The following PLD5 variants were observed in gnomAD, a reference collection of about 807,000 sequenced individuals.
The protein encoded by PLD5 is phospholipase D family member 5.
Under a neutral mutation model 61.1 loss-of-function variants are expected in PLD5, and 36 were observed. The ratio of observed to expected loss-of-function variants is 0.59; its 90% CI spans 0.45 to 0.78. PLD5 has a LOEUF of 0.78. Among genes scored for constraint, PLD5 ranks in the 30% least tolerant of loss-of-function variants. The pLI is 0.00. For synonymous variants in PLD5, 243 were observed against 242.8 expected (o/e 1.00, Z -0.01); for missense variants, 515 against 644.4 (o/e 0.80, Z 2.17).
At chr1:242,306,352 G>A (rs1247058961) in intron 2 of PLD5, among the ~76,000 whole-genome samples, 3 of 151,294 alleles carry the variant, frequency 2.0e-5, no homozygotes, top group African/African-American at 7.3e-5. Flanking sequence ...ATCTTCTTAG[G>A]ATGGGTCATA....
intron 5 of PLD5, chr1:242,177,628 G>T (rs928707095): frequency 2.0e-5 from 3 of 152,194 alleles, no homozygotes; most frequent in Non-Finnish European, 4.4e-5. Flanking sequence ...TTTTAAATTA[G>T]AGCAGGTCAA....
intron 5 of PLD5, among the ~76,000 whole-genome samples, chr1:242,148,938 A>G (rs1574396111): frequency 6.7e-6 from 1 of 148,788 alleles, no homozygotes; most frequent in Non-Finnish European, 1.5e-5. Context: ...GGGAATTTTT[A>G]CATAATCATG....
intron 1 of PLD5, among the ~76,000 whole-genome samples, chr1:242,389,214 T>C (rs1359101244): frequency 6.6e-6 from 1 of 152,206 alleles, no homozygotes; most frequent in Admixed American, 6.5e-5. Flanking sequence ...CCTAACTTTG[T>C]AAGTAAATAC....
intron 2 of PLD5, among the ~76,000 whole-genome samples, chr1:242,338,816 C>T (rs1290852293): frequency 1.3e-5 from 2 of 152,054 alleles, no homozygotes; most frequent in African/African-American, 4.8e-5. Flanking sequence ...CTAATACATG[C>T]CATCTTATAG....
chr1:242,162,826 T>C (rs316845), intron 5 of PLD5, among the ~76,000 whole-genome samples: 7,272 of 152,276 alleles, frequency 0.048, 438 homozygotes, highest in African/African-American at 0.13. Context: ...TCACAAAGCA[T>C]GTGCATTATT....
chr1:242,520,002 C>T (rs1332709879), intron 1 of PLD5, among the ~76,000 whole-genome samples: 1 of 152,162 alleles, frequency 6.6e-6, no homozygotes, highest in Non-Finnish European at 1.5e-5. Context: ...GCACTAAGTG[C>T]TTTGTATGCT....
Position 242,256,742 on chromosome 1 carries a change from ACTATCATCTAT to A in PLD5, c.607+8584_607+8594del, listed in dbSNP as rs1252402129. Reference sequence around the variant, plus strand: ...ATTACAGCAGCACAAATGAACTAAGACTATCATCTATCTATCTATCTATCTATCTATCTATC... The same window carrying A: ...ATTACAGCAGCACAAATGAACTAAGACTATCTATCTATCTATCTATCTATC... On this transcript the variant is annotated intron_variant, in intron 4 of 9. Coordinates refer to ENST00000536534, the MANE Select transcript of PLD5 (RefSeq NM_001372062.1). The surrounding 1 kb of genome is among the most constrained non-coding windows in gnomAD (Gnocchi z 5.7). 2.1e-5 allele frequency among the ~76,000 whole-genome samples: 3 copies of A among 144,274 alleles called. No individual in the cohort carries two copies. Among genetic ancestry groups the A allele is most frequent in the African/African-American group, 5.2e-5 (2 of 38,326 alleles). 94.6% of individuals were successfully genotyped at this position (144,274 alleles called of 152,430 possible).
intron 1 of PLD5, among the ~76,000 whole-genome samples, chr1:242,393,191 G>T (rs1032560468): frequency 7.4e-6 from 1 of 136,038 alleles, no homozygotes; most frequent in Non-Finnish European, 1.5e-5. Flanking sequence ...ATAAGACGAC[G>T]ACTCCGTCTC....
At chr1:242,378,691 A>G (rs1662108670) in intron 1 of PLD5, among the ~76,000 whole-genome samples, 1 of 151,976 alleles carries the variant, frequency 6.6e-6, no homozygotes, top group Non-Finnish European at 1.5e-5. Context: ...AAATACAAAA[A>G]TTAGCTGGGT....
chr1:242,477,266 A>T (rs984316798), intron 1 of PLD5, among the ~76,000 whole-genome samples: 1 of 152,106 alleles, frequency 6.6e-6, no homozygotes, highest in Admixed American at 6.5e-5. Flanking sequence ...AGAAAAAAAA[A>T]ATAGTAAGGG....
Position 242,107,746 on chromosome 1 carries a change from A to G in PLD5, c.1164T>C (p.Thr388=), listed in dbSNP as rs750097301. ...AAATAAAGTTAAACGTAAGGGGATC[A>G]GTTTCCTTCCAGAAGCTTAAAAGGA... ...VRLLLSFWKE[T]DPLTFNFISS... The change falls in exon 8 of 10, where the codon ACT becomes ACC. Residue 388 remains threonine (T), a synonymous_variant. Transcript: ENST00000536534. 3 of 1,612,048 alleles carry G rather than the reference A, an allele frequency of 1.9e-6. No homozygotes were observed. The South Asian group carries it at 3.3e-5, about 18-fold the overall frequency.
At chr1:242,321,214 C>T (rs1658378771) in intron 2 of PLD5, among the ~76,000 whole-genome samples, 1 of 150,234 alleles carries the variant, frequency 6.7e-6, no homozygotes, top group African/African-American at 2.5e-5. Flanking sequence ...TTGACCCATT[C>T]TAAAAAAAAA....
chr1:242,485,669 C>T (rs1667936257), intron 1 of PLD5, among the ~76,000 whole-genome samples: 1 of 152,148 alleles, frequency 6.6e-6, no homozygotes, highest in Non-Finnish European at 1.5e-5. Context: ...AATGCCATCC[C>T]CATCAAGCTA....
At chr1:242,426,509 CAT>C (rs1553373441) in intron 1 of PLD5, among the ~76,000 whole-genome samples, 1 of 152,174 alleles carries the variant, frequency 6.6e-6, no homozygotes, top group Non-Finnish European at 1.5e-5. Context: ...ACCACAAACA[CAT>C]GAGTAATGCA....
chr1:242,423,758 G>C (rs778439248), intron 1 of PLD5, among the ~76,000 whole-genome samples: 1 of 152,056 alleles, frequency 6.6e-6, no homozygotes, highest in African/African-American at 2.4e-5. Flanking sequence ...GGAATGCTAG[G>C]CTCCACGAGA....
At chr1:242,132,302 G>A (rs539986231) in intron 5 of PLD5, among the ~76,000 whole-genome samples, 1 of 150,234 alleles carries the variant, frequency 6.7e-6, no homozygotes, top group Non-Finnish European at 1.5e-5. Context: ...GCGGGTGTCT[G>A]ATGGATGCTG....
intron 1 of PLD5, among the ~76,000 whole-genome samples, chr1:242,442,427 G>A (rs372472346): frequency 1.3e-5 from 2 of 152,178 alleles, no homozygotes; most frequent in East Asian, 3.8e-4. Flanking sequence ...TGGCGGCACT[G>A]TTACATAAAT....
At chr1:242,116,653 G>C (rs191291407) in intron 6 of PLD5, among the ~76,000 whole-genome samples, 145 of 148,512 alleles carry the variant, frequency 9.8e-4, no homozygotes, top group Admixed American at 2.6e-3. Context: ...ACTTATAAGT[G>C]AGAACATGGT....
chr1:242,405,603 CTTTT>C (rs57665543), intron 1 of PLD5, among the ~76,000 whole-genome samples: 116 of 145,542 alleles, frequency 8.0e-4, no homozygotes, highest in Admixed American at 2.3e-3. Flanking sequence ...ATATTTGATA[CTTTT>C]TTTTTTTTTT....
Sources: gnomAD v4.1 joint callset for allele counts (sites outside exome capture counted in the v4.1 genomes callset) on GRCh38, gnomAD v4.1.1 for gene constraint, Gnocchi (gnomAD v3.1) non-coding constraint, MANE v1.5 for transcripts, NCBI Gene and HGNC (gene_info 2026-07-23, HGNC 2026-07-21) for gene names.